The following PPP2R2C variants were observed in gnomAD, a reference collection of about 807,000 sequenced individuals.
The protein encoded by PPP2R2C is protein phosphatase 2 regulatory subunit Bgamma.
PPP2R2C carries 10 observed loss-of-function variants against 45.3 expected under a neutral mutation model. The ratio of observed to expected loss-of-function variants is 0.22; its 90% CI spans 0.14 to 0.37. The LOEUF (loss-of-function observed/expected upper bound fraction) is 0.37. Ranked by LOEUF, PPP2R2C falls within the 10% of genes least tolerant of loss-of-function variation. The probability of loss-of-function intolerance (pLI) is 1.00; values close to 1 mark genes in which losing one functional copy is unlikely to be tolerated. For missense variants in PPP2R2C, 308 were observed against 619.7 expected (o/e 0.50, Z 5.34); for synonymous variants, 257 against 245.4 (o/e 1.05, Z -0.44).
intron 2 of PPP2R2C, among the ~76,000 whole-genome samples, chr4:6,508,561 C>T (rs1373939059): frequency 2.0e-5 from 3 of 151,886 alleles, no homozygotes; most frequent in South Asian, 2.1e-4. Flanking sequence ...TGCACTCCAG[C>T]CCTGGCGACG....
intron 1 of PPP2R2C, among the ~76,000 whole-genome samples, chr4:6,449,745 T>C (rs2108744614): frequency 6.6e-6 from 1 of 152,322 alleles, no homozygotes; most frequent in Non-Finnish European, 1.5e-5. Flanking sequence ...ATGGGTTCCA[T>C]CCCGCACAAG....
At chr4:6,443,214 G>A (rs764293150) in intron 1 of PPP2R2C, among the ~76,000 whole-genome samples, 11 of 152,158 alleles carry the variant, frequency 7.2e-5, no homozygotes, top group Non-Finnish European at 1.2e-4. Context: ...GCAGGTGCCC[G>A]GCCGCCGCCT....
intron 1 of PPP2R2C, among the ~76,000 whole-genome samples, chr4:6,551,314 C>A (rs564958200): frequency 1.3e-5 from 2 of 152,322 alleles, no homozygotes; most frequent in African/African-American, 4.8e-5. Flanking sequence ...CCACAGCCTG[C>A]AGTGGGTGCT....
chr4:6,486,191 G>C (rs1039087625), intron 2 of PPP2R2C, among the ~76,000 whole-genome samples: 18 of 151,988 alleles, frequency 1.2e-4, no homozygotes, highest in Admixed American at 6.5e-4. Context: ...AGATTTTCCA[G>C]AGCTCTTTCT....
intron 1 of PPP2R2C, among the ~76,000 whole-genome samples, chr4:6,431,197 G>A (rs1719597040): frequency 6.6e-6 from 1 of 152,224 alleles, no homozygotes; most frequent in African/African-American, 2.4e-5. Context: ...GTGTTTCCCT[G>A]CACCTGGAGG....
chr4:6,419,636 G>A (rs1224160672), intron 1 of PPP2R2C, among the ~76,000 whole-genome samples: 2 of 152,172 alleles, frequency 1.3e-5, no homozygotes, highest in East Asian at 1.9e-4. Context: ...CTGGGTATCA[G>A]TGTCCTGTGG....
At chr4:6,538,048 G>A (rs909674526) in intron 1 of PPP2R2C, among the ~76,000 whole-genome samples, 4 of 152,090 alleles carry the variant, frequency 2.6e-5, no homozygotes, top group African/African-American at 4.8e-5. Flanking sequence ...ATGGTTGCAC[G>A]ACAATAGGAA....
intron 1 of PPP2R2C, among the ~76,000 whole-genome samples, chr4:6,460,587 C>T (rs16838880): frequency 0.01 from 1,542 of 152,164 alleles, 22 homozygotes; most frequent in African/African-American, 0.035. Context: ...AAATAGGATA[C>T]GCACACAGTA....
At chr4:6,512,395 G>T (rs1228054295) in intron 2 of PPP2R2C, among the ~76,000 whole-genome samples, 3 of 110,194 alleles carry the variant, frequency 2.7e-5, no homozygotes, top group African/African-American at 6.1e-5. Flanking sequence ...GGTGATGGTG[G>T]TGGTGGTGAT....
At position 6,515,378 on chromosome 4, in the gene PPP2R2C, G is replaced by T. The variant is rs890767328; in HGVS notation, c.49+19893C>A. ...TTCCCAAGCACCTACTCTGTGCCAG[G>T]CCAAAGGCTGGGAGGCAGCATTGCA... is the stretch of plus-strand genomic sequence containing the variant. On this transcript the variant is annotated intron_variant, in intron 2 of 9. Coordinates refer to the PPP2R2C transcript ENST00000506140. 2.6e-5 allele frequency among the ~76,000 whole-genome samples: 4 copies of T among 152,192 alleles called. No homozygotes were observed. The South Asian group carries it at 8.3e-4, about 32-fold the overall frequency.
At chr4:6,513,754 C>T (rs567646553) in intron 2 of PPP2R2C, among the ~76,000 whole-genome samples, 1 of 152,306 alleles carries the variant, frequency 6.6e-6, no homozygotes, top group Non-Finnish European at 1.5e-5. Context: ...AGGGCGTGCA[C>T]TGGGCCACAC....
intron 1 of PPP2R2C, among the ~76,000 whole-genome samples, chr4:6,432,808 T>C (rs1719696754): frequency 6.6e-6 from 1 of 152,190 alleles, no homozygotes; most frequent in Non-Finnish European, 1.5e-5. Flanking sequence ...TAGAATACAG[T>C]TGACCCTCAA....
At chr4:6,510,338 C>G (rs1268239165) in intron 2 of PPP2R2C, among the ~76,000 whole-genome samples, 2 of 151,950 alleles carry the variant, frequency 1.3e-5, no homozygotes, top group Non-Finnish European at 2.9e-5. Flanking sequence ...TTCCCTGAAA[C>G]TCCATCCCCA....
intron 6 of PPP2R2C, among the ~76,000 whole-genome samples, chr4:6,337,157 T>TAC (rs1733041271): frequency 1.8e-5 from 2 of 110,678 alleles, no homozygotes; most frequent in Non-Finnish European, 3.7e-5. Context: ...TATATATATA[T>TAC]ATATTTGTAG....
In PPP2R2C at chr4:6,321,080, T is replaced by C. The variant is rs1171654190; in HGVS notation, c.*2222A>G. 2.0e-5 allele frequency: 3 copies of C among 152,256 alleles called. No individual in the cohort carries two copies. Among genetic ancestry groups the C allele is most frequent in the Non-Finnish European group, 4.4e-5 (3 of 68,042 alleles). The allele number at this position is 152,256 out of a possible 1,614,324, so 9.4% of individuals were successfully genotyped here. A position where few individuals can be genotyped will look rare whatever the true frequency, so the allele number is the denominator to read the frequency against. On this transcript the variant is annotated 3_prime_UTR_variant, in exon 9 of 9. Transcript: ENST00000382599. Reference sequence around the variant, plus strand: ...CTTTTCCTTTCTTTTTTCTTCTTTTTGGTTTGGTACCCAAAGTTTAAAACA... The same window carrying C: ...CTTTTCCTTTCTTTTTTCTTCTTTTCGGTTTGGTACCCAAAGTTTAAAACA...
chr4:6,386,635 A>C (rs548104529), intron 1 of PPP2R2C, among the ~76,000 whole-genome samples: 1 of 152,248 alleles, frequency 6.6e-6, no homozygotes, highest in Non-Finnish European at 1.5e-5. Context: ...AAGTAACAAA[A>C]ATCTAGAGTC....
intron 6 of PPP2R2C, among the ~76,000 whole-genome samples, chr4:6,341,676 G>A (rs1385835842): frequency 2.0e-5 from 3 of 152,266 alleles, no homozygotes; most frequent in East Asian, 3.9e-4. Flanking sequence ...ATCTGGATGG[G>A]CCCAATGTCA....
chr4:6,421,045 A>G (rs1233988962), intron 1 of PPP2R2C: 1 of 985,008 alleles, frequency 1.0e-6, no homozygotes, highest in Admixed American at 6.2e-5. Context: ...CTTTGTGTGC[A>G]CCCTTCTTCC....
chr4:6,525,349 G>A (rs1396590290), intron 2 of PPP2R2C, among the ~76,000 whole-genome samples: 1 of 152,166 alleles, frequency 6.6e-6, no homozygotes, highest in African/African-American at 2.4e-5. Flanking sequence ...AGGTTGCAGT[G>A]AGGCAAGATT....
Sources: gnomAD v4.1 joint callset for allele counts (sites outside exome capture counted in the v4.1 genomes callset) on GRCh38, gnomAD v4.1.1 for gene constraint, MANE v1.5 for transcripts, NCBI Gene and HGNC (gene_info 2026-07-23, HGNC 2026-07-21) for gene names.